The following MAGEA11 variants were observed in gnomAD, a reference collection of about 807,000 sequenced individuals.
MAGEA11 encodes melanoma-associated antigen 11.
In MAGEA11, 1 loss-of-function variant was observed where a neutral mutation model predicts 8.4. The observed-to-expected ratio is 0.12, with a 90% CI of 0.04 to 0.57. MAGEA11 has a LOEUF of 0.57. Among genes scored for constraint, MAGEA11 ranks in the 20% least tolerant of loss-of-function variants. MAGEA11 has a pLI of 0.91. For missense variants in MAGEA11, 209 were observed against 317.3 expected, an observed-to-expected ratio of 0.66 and a Z score of 2.59; for synonymous variants, 127 against 119.3, an observed-to-expected ratio of 1.06 and a Z score of -0.42.
chrX:149,702,124 A>G (rs907554040), intron 1 of MAGEA11, among the ~76,000 whole-genome samples: 1 of 111,874 alleles, frequency 8.9e-6, no homozygotes, highest in African/African-American at 3.2e-5. Flanking sequence ...AAGGTGATCC[A>G]TGTATACTTG....
intron 1 of MAGEA11, among the ~76,000 whole-genome samples, 186 bp downstream of exon 1, chrX:149,712,348 A>G (rs1390427513): frequency 6.6e-4 from 74 of 112,028 alleles, no homozygotes; most frequent in Non-Finnish European, 9.4e-4. Flanking sequence ...AGGCAGTTCC[A>G]TAAAGGGTGG....
chrX:149,717,119 G>C lies in MAGEA11; in HGVS notation c.*343G>C, dbSNP rs2090430598. The C allele has an allele frequency of 6.4e-6, 1 of 155,196 alleles. No individual in the cohort carries two copies. Among genetic ancestry groups the C allele is most frequent in the Admixed American group, 8.0e-5 (1 of 12,529 alleles). 12.8% of individuals were successfully genotyped at this position (155,196 alleles called of 1,213,427 possible). A position where few individuals can be genotyped will look rare whatever the true frequency, so the allele number is the denominator to read the frequency against. On this transcript the variant is annotated 3_prime_UTR_variant, in exon 5 of 5. Transcript: ENST00000355220. ...ATGTTGTTTTGCTTATCCATTTCAAGTGCAAGTGTTTGCCATTTTGTAAAA... is the reference window on the plus strand; with the variant it reads ...ATGTTGTTTTGCTTATCCATTTCAACTGCAAGTGTTTGCCATTTTGTAAAA...
chrX:149,694,832 C>G (rs1557360431), intron 1 of MAGEA11, among the ~76,000 whole-genome samples: 1 of 110,566 alleles, frequency 9.0e-6, no homozygotes, highest in African/African-American at 3.3e-5. Flanking sequence ...AGTGATTCTC[C>G]TGCCTCAGCC....
At chrX:149,710,627 TTTTTTC>T (rs1233563151), upstream of MAGEA11, among the ~76,000 whole-genome samples, 13 of 110,786 alleles carry the variant, frequency 1.2e-4, no homozygotes, top group East Asian at 3.4e-3. Flanking sequence ...TTTTCATTTC[TTTTTTC>T]TTTTTCTTTT....
intron 1 of MAGEA11, among the ~76,000 whole-genome samples, chrX:149,694,357 ATCT>A (rs782684835): frequency 4.9e-4 from 55 of 112,301 alleles, no homozygotes; most frequent in Non-Finnish European, 7.9e-4. Flanking sequence ...GCATTTATGT[ATCT>A]TCTTTGGAGA....
At chrX:149,714,988 C>T (rs1454461438) in intron 3 of MAGEA11, among the ~76,000 whole-genome samples, 1 of 111,638 alleles carries the variant, frequency 9.0e-6, no homozygotes, top group East Asian at 2.8e-4. Flanking sequence ...AGGGAGGGTC[C>T]CAGGCCAAGA....
chrX:149,701,722 C>A (rs12390935), intron 1 of MAGEA11, among the ~76,000 whole-genome samples: 1 of 110,084 alleles, frequency 9.1e-6, no homozygotes, highest in African/African-American at 3.3e-5. Flanking sequence ...AGTCTTTAAT[C>A]CATCTTGAAT....
At chrX:149,711,761 A>C, upstream of MAGEA11, 2 of 736,233 alleles carry the variant, frequency 2.7e-6, no homozygotes, top group African/African-American at 2.3e-5. Context: ...CTGCCACCTC[A>C]GGGGACTCAG....
At position 149,714,525 on chromosome X, in the gene MAGEA11, A is replaced by G. The variant is rs1428223924; in HGVS notation, c.141A>G (p.Arg47=). Residue 47 remains arginine (R), a synonymous_variant, in exon 3 of 5, where the codon AGA becomes AGG. Transcript: ENST00000355220. ...AGGACGACTTCCAGTCAACAGAAAG[A>G]GCCCCATATGGTCCACAACTACAGT... ...FSEDDFQSTE[R]APYGPQLQWS... is the part of the protein sequence containing the mutation. 32 of 1,209,600 alleles carry G rather than the reference A, an allele frequency of 2.6e-5. No individual in the cohort carries two copies. Among genetic ancestry groups the G allele is most frequent in the Non-Finnish European group, 3.5e-5 (31 of 895,030 alleles).
In MAGEA11 at chrX:149,716,611, C is replaced by G. The variant is rs375500691; in HGVS notation, c.1125C>G (p.Pro375=). ...QEKYLVYRQV[P]GTDPACYEFL... ...AGTACCTGGTGTACCGGCAGGTGCC[C>G]GGCACTGATCCTGCATGCTATGAGT... is the stretch of plus-strand genomic sequence containing the variant. The change falls in exon 5 of 5, where the codon CCC becomes CCG. Residue 375 remains proline, a synonymous_variant. Transcript: ENST00000355220. 1 of 1,211,484 alleles carries G rather than the reference C, an allele frequency of 8.3e-7. No individual in the cohort carries two copies. Among genetic ancestry groups the G allele is most frequent in the Non-Finnish European group, 1.1e-6 (1 of 895,390 alleles).
At chrX:149,691,406 T>C (rs979463316) in intron 1 of MAGEA11, among the ~76,000 whole-genome samples, 3 of 111,966 alleles carry the variant, frequency 2.7e-5, no homozygotes, top group African/African-American at 6.5e-5. Context: ...TGTGATTGGA[T>C]GGAAGACATT....
At chrX:149,698,952 A>G (rs187616194) in intron 1 of MAGEA11, among the ~76,000 whole-genome samples, 1 of 111,695 alleles carries the variant, frequency 9.0e-6, no homozygotes, top group African/African-American at 3.3e-5. Flanking sequence ...ATTCCTTTTT[A>G]TGGCTGAATA....
At chrX:149,713,332 T>C (rs1312814775) in intron 2 of MAGEA11, 77 bp downstream of exon 2, 1 of 659,876 alleles carries the variant, frequency 1.5e-6, no homozygotes, top group African/African-American at 2.2e-5. Flanking sequence ...GCCTTTGGGG[T>C]GTCAGCAAGG....
chrX:149,688,645 T>TATACATATACAC (rs1430568775), upstream of MAGEA11, among the ~76,000 whole-genome samples: 1 of 96,715 alleles, frequency 1.0e-5, no homozygotes, highest in Non-Finnish European at 2.0e-5. Flanking sequence ...TGTATGTACA[T>TATACATATACAC]ATACATATAC....
chrX:149,716,861 G>C lies in MAGEA11; in HGVS notation c.*85G>C. On this transcript the variant is annotated 3_prime_UTR_variant, in exon 5 of 5. Coordinates refer to ENST00000355220, the MANE Select transcript of MAGEA11 (RefSeq NM_005366.5). ...ACACCCAGCAGTTTCCCTGTCCTGT[G>C]TGAAATCAGGCCCATTCTTCCCTCT... The C allele has an allele frequency of 1.1e-6, 1 of 919,774 alleles. No individual in the cohort carries two copies. Among genetic ancestry groups the C allele is most frequent in the South Asian group, 2.5e-5 (1 of 40,386 alleles). The allele number at this position is 919,774 out of a possible 1,213,427, so 75.8% of individuals were successfully genotyped here.
intron 1 of MAGEA11, among the ~76,000 whole-genome samples, chrX:149,703,783 A>C (rs782760018): frequency 1.3e-4 from 15 of 112,268 alleles, no homozygotes; most frequent in Admixed American, 9.4e-4. Context: ...GGGAAGGTAC[A>C]TCATGGGCAC....
At chrX:149,715,509 C>A (rs1557362348) in intron 3 of MAGEA11, 95 bp from the exon 4 acceptor site, 1 of 582,313 alleles carries the variant, frequency 1.7e-6, no homozygotes, top group African/African-American at 2.3e-5. Context: ...AAAGGGACCC[C>A]CAGCTTGCAA....
intron 1 of MAGEA11, among the ~76,000 whole-genome samples, chrX:149,696,726 C>T (rs1291670596): frequency 5.4e-5 from 6 of 111,441 alleles, no homozygotes; most frequent in Non-Finnish European, 1.1e-4. Flanking sequence ...TGACTGATCC[C>T]CGCAGAAGGA....
At chrX:149,710,089 C>T (rs2090392983), upstream of MAGEA11, among the ~76,000 whole-genome samples, 1 of 111,709 alleles carries the variant, frequency 9.0e-6, no homozygotes. Context: ...GAATAAGAGA[C>T]GTGTGAAAAA....
Sources: gnomAD v4.1 joint callset for allele counts (sites outside exome capture counted in the v4.1 genomes callset) on GRCh38, gnomAD v4.1.1 for gene constraint, MANE v1.5 for transcripts, NCBI Gene and HGNC (gene_info 2026-07-23, HGNC 2026-07-21) for gene names.